DISC1: variants seen among roughly 807,000 people sequenced by gnomAD.
The protein encoded by DISC1 is DISC1 scaffold protein, also known as disrupted in schizophrenia 1 protein.
In DISC1, 57 loss-of-function variants were observed where a neutral mutation model predicts 84.5. That is an observed-to-expected ratio of 0.67 (90% confidence interval 0.55 to 0.84). The LOEUF (loss-of-function observed/expected upper bound fraction) is 0.84, where lower values mean the gene tolerates loss of function less well. Ranked by LOEUF, DISC1 falls within the 40% of genes least tolerant of loss-of-function variation. The pLI is 0.00. For synonymous variants in DISC1, 411 were observed against 415.2 expected, an observed-to-expected ratio of 0.99 and a Z score of 0.12; for missense variants, 1,000 against 1,057.8, an observed-to-expected ratio of 0.95 and a Z score of 0.76.
intron 1 of DISC1, among the ~76,000 whole-genome samples, chr1:231,642,351 C>T (rs2059792171): frequency 1.3e-5 from 2 of 152,348 alleles, no homozygotes; most frequent in South Asian, 4.1e-4. Flanking sequence ...GAAAGGGGCT[C>T]CCACAGTGCA....
At chr1:232,001,609 C>T (rs184472358) in intron 10 of DISC1, among the ~76,000 whole-genome samples, 12 of 151,982 alleles carry the variant, frequency 7.9e-5, no homozygotes, top group East Asian at 3.9e-4. Flanking sequence ...TGATTTTTGG[C>T]GAAGGTATAA....
chr1:231,764,483 A>C (rs187516095), intron 4 of DISC1, among the ~76,000 whole-genome samples: 1 of 152,276 alleles, frequency 6.6e-6, no homozygotes, highest in Non-Finnish European at 1.5e-5. Flanking sequence ...TGTACATGTT[A>C]TTAATATTTT....
intron 9 of DISC1, among the ~76,000 whole-genome samples, chr1:231,956,712 G>C (rs192167469): frequency 3.9e-5 from 6 of 152,204 alleles, no homozygotes; most frequent in Admixed American, 1.3e-4. Context: ...AGGGTATAGT[G>C]GGGGGGACTT....
At chr1:231,741,705 T>A (rs1269933691) in intron 3 of DISC1, among the ~76,000 whole-genome samples, 1 of 152,148 alleles carries the variant, frequency 6.6e-6, no homozygotes. Context: ...TGAGGTAGAC[T>A]TAGCCTGGGC....
chr1:231,652,202 C>T (rs910052959), intron 1 of DISC1, among the ~76,000 whole-genome samples: 3 of 152,144 alleles, frequency 2.0e-5, no homozygotes, highest in African/African-American at 7.2e-5. Flanking sequence ...CAGAGCTGTT[C>T]CTATTTGGCC....
chr1:232,008,998 G>A lies in DISC1; in HGVS notation c.2256G>A (p.Trp752Ter). 1 of 1,613,862 alleles carries A rather than the reference G, an allele frequency of 6.2e-7. No homozygotes were observed. Among genetic ancestry groups the A allele is most frequent in the Non-Finnish European group, 8.5e-7 (1 of 1,179,848 alleles). Reference sequence around the variant, plus strand: ...CCCCTTTGAAGGTATTGGAAGAATGGAAGACTCACCTCATCCCCTCTCTGC... The same window carrying A: ...CCCCTTTGAAGGTATTGGAAGAATGAAAGACTCACCTCATCCCCTCTCTGC... ...RKTPLKVLEEWKTHLIPSLHC... is the reference protein window; with the variant it reads ...RKTPLKVLEE Residue 752 changes from tryptophan (W) to a stop codon, truncating the protein, a stop_gained, in exon 11 of 13, where the codon TGG becomes TGA. Coordinates refer to ENST00000439617, the MANE Select transcript of DISC1 (RefSeq NM_018662.3). LOFTEE classifies it high-confidence loss of function.
intron 2 of DISC1, among the ~76,000 whole-genome samples, chr1:231,695,263 C>T (rs2065505099): frequency 1.3e-5 from 2 of 152,232 alleles, no homozygotes; most frequent in Non-Finnish European, 2.9e-5. Flanking sequence ...TGCTGCCTTC[C>T]ACAGGGTCGG....
Position 231,701,996 on chromosome 1 carries a change from T to C in DISC1, c.1089T>C (p.Asp363=). Residue 363 remains aspartate, a synonymous_variant, in exon 3 of 13, where the codon GAT becomes GAC. Coordinates refer to ENST00000439617, the MANE Select transcript of DISC1 (RefSeq NM_018662.3). ...LRLKLQKLQE[D]AVENDDYDKA... ...TAAAACTTCAGAAACTTCAGGAAGA[T>C]GCAGTTGAGAATGATGATTATGATA... is the stretch of plus-strand genomic sequence containing the variant. 1 of 1,608,272 alleles carries C rather than the reference T, an allele frequency of 6.2e-7. No homozygotes were observed.
intron 4 of DISC1, among the ~76,000 whole-genome samples, chr1:231,754,008 T>G (rs1295201726): frequency 6.6e-6 from 1 of 152,236 alleles, no homozygotes; most frequent in East Asian, 1.9e-4. Flanking sequence ...TGAGACCTCA[T>G]GAGCCTGGCT....
intron 10 of DISC1, among the ~76,000 whole-genome samples, chr1:231,990,726 T>C (rs937212713): frequency 6.6e-6 from 1 of 152,154 alleles, no homozygotes; most frequent in Non-Finnish European, 1.5e-5. Flanking sequence ...TGACTCTGCT[T>C]CCCCTGCAGA....
intron 1 of DISC1, among the ~76,000 whole-genome samples, chr1:231,632,367 G>A (rs1413975548): frequency 1.3e-5 from 2 of 152,206 alleles, no homozygotes; most frequent in East Asian, 3.8e-4. Flanking sequence ...ATAAAAAAAT[G>A]TGGATAAAAT....
At chr1:231,964,474 T>C (rs1660821615) in intron 10 of DISC1, among the ~76,000 whole-genome samples, 1 of 152,216 alleles carries the variant, frequency 6.6e-6, no homozygotes. Flanking sequence ...CAAGCTATTA[T>C]GAGGCCTGGG....
chr1:231,858,362 T>C (rs539973846), intron 9 of DISC1, among the ~76,000 whole-genome samples: 2 of 152,332 alleles, frequency 1.3e-5, no homozygotes, highest in East Asian at 3.9e-4. Flanking sequence ...AGTCAATTTA[T>C]CATTCATTTG....
At chr1:231,724,782 G>T (rs1206545415) in intron 3 of DISC1, among the ~76,000 whole-genome samples, 2 of 152,216 alleles carry the variant, frequency 1.3e-5, no homozygotes, top group Non-Finnish European at 2.9e-5. Flanking sequence ...GCGTTTGGTT[G>T]TCAGTGGTTA....
intron 10 of DISC1, among the ~76,000 whole-genome samples, chr1:232,004,128 A>C (rs937321097): frequency 2.0e-5 from 3 of 151,882 alleles, no homozygotes; most frequent in Non-Finnish European, 2.9e-5. Flanking sequence ...ATTTCAAAAG[A>C]GGAAAATATG....
intron 1 of DISC1, among the ~76,000 whole-genome samples, chr1:231,658,052 T>G (rs2061275359): frequency 6.6e-6 from 1 of 152,236 alleles, no homozygotes; most frequent in South Asian, 2.1e-4. Flanking sequence ...TAGCATTGAA[T>G]CTATAAATTG....
In DISC1 at chr1:231,999,857, A is replaced by T. The variant is rs571590780; in HGVS notation, c.2043-8928A>T. On this transcript the variant is annotated intron_variant, in intron 10 of 12. Transcript: ENST00000439617. ...AACAACAACAACAACAAAACAACCA[A>T]CTCCAAAACAAAACTCGAAGGCAAA... 1.4e-4 allele frequency among the ~76,000 whole-genome samples: 21 copies of T among 149,986 alleles called. No individual in the cohort carries two copies. In the South Asian group the frequency reaches 4.5e-3, roughly 32 times the overall value.
intron 1 of DISC1, among the ~76,000 whole-genome samples, chr1:231,672,569 G>C (rs561016143): frequency 6.6e-6 from 1 of 152,152 alleles, no homozygotes; most frequent in African/African-American, 2.4e-5. Context: ...GCACACCTTT[G>C]TGCTGTCCTT....
intron 1 of DISC1, among the ~76,000 whole-genome samples, chr1:231,692,072 C>T (rs182992970): frequency 3.3e-4 from 50 of 152,318 alleles, no homozygotes; most frequent in African/African-American, 1.0e-3. Context: ...CACTTTGGAA[C>T]GAGACAAGCC....
Sources: allele counts gnomAD v4.1 joint callset (sites outside exome capture counted in the v4.1 genomes callset), GRCh38; gene constraint gnomAD v4.1.1; transcripts MANE v1.5; gene names NCBI Gene and HGNC (gene_info 2026-07-23, HGNC 2026-07-21).